The following RBFOX3 variants were observed in gnomAD, a reference collection of about 807,000 sequenced individuals.
RBFOX3 encodes the protein RNA binding fox-1 homolog 3.
In RBFOX3, 17 loss-of-function variants were observed where a neutral mutation model predicts 48.7. That is an observed-to-expected ratio of 0.35 (90% CI 0.24 to 0.52). The LOEUF is 0.52. RBFOX3 is among the 20% of genes least tolerant of loss of function. RBFOX3 has a pLI of 0.94. For synonymous variants in RBFOX3, 212 were observed against 209.5 expected, an observed-to-expected ratio of 1.01 and a Z score of -0.10; for missense variants, 382 against 497.5, an observed-to-expected ratio of 0.77 and a Z score of 2.21.
intron 4 of RBFOX3, among the ~76,000 whole-genome samples, chr17:79,224,493 C>T (rs1015056331): frequency 3.3e-5 from 5 of 152,190 alleles, no homozygotes; most frequent in Non-Finnish European, 5.9e-5. Context: ...GTCTTTACCC[C>T]GTCTTGTCCA....
chr17:79,280,282 G>A (rs1166179510), intron 3 of RBFOX3, among the ~76,000 whole-genome samples: 2 of 150,858 alleles, frequency 1.3e-5, no homozygotes, highest in Non-Finnish European at 3.0e-5. Flanking sequence ...ATGCATATAC[G>A]CACATGCACA....
chr17:79,296,652 C>A (rs1600483165), intron 3 of RBFOX3, among the ~76,000 whole-genome samples: 1 of 151,994 alleles, frequency 6.6e-6, no homozygotes, highest in Non-Finnish European at 1.5e-5. Context: ...TGTAGACTCT[C>A]CCATCTCCCT....
chr17:79,190,598 GGGGAGACCCTGCT>G (rs1313031937), intron 4 of RBFOX3, among the ~76,000 whole-genome samples: 1 of 152,078 alleles, frequency 6.6e-6, no homozygotes, highest in Non-Finnish European at 1.5e-5. Context: ...CTCTCCACTG[GGGGAGACCCTGCT>G]GTCTCTCCGG....
intron 4 of RBFOX3, among the ~76,000 whole-genome samples, chr17:79,120,885 T>C (rs1165836610): frequency 6.6e-6 from 1 of 152,016 alleles, no homozygotes; most frequent in Non-Finnish European, 1.5e-5. Context: ...AAGACCCAGC[T>C]CTTCCTGCTC....
Position 79,276,600 on chromosome 17 carries a change from G to A in RBFOX3, c.-74+31124C>T, listed in dbSNP as rs1047468113. On this transcript the variant is annotated intron_variant, in intron 3 of 14. Transcript: ENST00000693108. ...CTCGGGAGGCTGACGCAGGAGAATC[G>A]CTTGAACCCAGGAGTGAGAGGTTGC... 5.9e-5 allele frequency among the ~76,000 whole-genome samples: 9 copies of A among 152,198 alleles called. No individual in the cohort carries two copies. The South Asian group carries it at 6.2e-4, about 11-fold the overall frequency.
At chr17:79,582,350 G>A (rs2093099147) in intron 1 of RBFOX3, among the ~76,000 whole-genome samples, 1 of 152,188 alleles carries the variant, frequency 6.6e-6, no homozygotes, top group East Asian at 1.9e-4. Flanking sequence ...ATGTATGTGT[G>A]TGTGTGCAAG....
chr17:79,659,610 T>C, the RBFOX3 span, among the ~76,000 whole-genome samples: 1 of 152,114 alleles, frequency 6.6e-6, no homozygotes, highest in East Asian at 1.9e-4. Context: ...CCACGAAACC[T>C]CCCATGCTGG....
chr17:79,656,556 G>T, the RBFOX3 span, among the ~76,000 whole-genome samples: 1 of 151,488 alleles, frequency 6.6e-6, no homozygotes. Flanking sequence ...GGAGGTTGCA[G>T]TGAGCCAAGA....
intron 4 of RBFOX3, among the ~76,000 whole-genome samples, chr17:79,179,846 T>C (rs1236331918): frequency 1.3e-5 from 2 of 152,172 alleles, no homozygotes; most frequent in African/African-American, 2.4e-5. Flanking sequence ...CTGGCCATCA[T>C]GCACCAGCAA....
At chr17:79,309,814 T>A (rs2076599018) in intron 2 of RBFOX3, among the ~76,000 whole-genome samples, 1 of 152,040 alleles carries the variant, frequency 6.6e-6, no homozygotes, top group Admixed American at 6.5e-5. Context: ...CTCACTCTCA[T>A]CTCCCGCCAC....
intron 4 of RBFOX3, among the ~76,000 whole-genome samples, chr17:79,148,759 G>A (rs986694102): frequency 1.3e-5 from 2 of 152,212 alleles, no homozygotes; most frequent in Non-Finnish European, 2.9e-5. Context: ...GAGGACGCAG[G>A]GGAGGGAGGC....
At chr17:79,335,149 C>A (rs2080999749) in intron 2 of RBFOX3, among the ~76,000 whole-genome samples, 1 of 145,648 alleles carries the variant, frequency 6.9e-6, no homozygotes, top group Non-Finnish European at 1.5e-5. Flanking sequence ...GACGAGGCTG[C>A]CAGAGGATGG....
chr17:79,427,252 C>G lies in RBFOX3; in HGVS notation c.-175+55202G>C, dbSNP rs764385457. ...GGGAAGCAGTGCGGCCAGGGAGGCT[C>G]CATTCCACATCACCCAGCACCACCT... On this transcript the variant is annotated intron_variant, in intron 2 of 14. Transcript: ENST00000693108. Among the ~76,000 whole-genome samples, 167 of 152,204 alleles carry G rather than the reference C, an allele frequency of 1.1e-3. 1 individual carries two copies. Among genetic ancestry groups the G allele is most frequent in the Non-Finnish European group, 2.2e-4 (15 of 68,032 alleles).
chr17:79,102,188 C>T (rs773003148), intron 8 of RBFOX3, among the ~76,000 whole-genome samples: 24 of 152,186 alleles, frequency 1.6e-4, no homozygotes, highest in Non-Finnish European at 2.8e-4. Flanking sequence ...GCTCTGGGCA[C>T]GAAGTCACCT....
the RBFOX3 span, among the ~76,000 whole-genome samples, chr17:79,620,137 A>G: frequency 7.0e-6 from 1 of 142,904 alleles, no homozygotes; most frequent in Non-Finnish European, 1.5e-5. Context: ...ACACATGCAC[A>G]CGCGCACACA....
chr17:79,163,034 G>A (rs140641024), intron 4 of RBFOX3, among the ~76,000 whole-genome samples: 59 of 152,324 alleles, frequency 3.9e-4, no homozygotes, highest in Admixed American at 2.5e-3. Flanking sequence ...CTGGGGGAGA[G>A]AGGGTGACGG....
rs943686021 is a variant in RBFOX3, at chr17:79,595,161, C to T, written c.-320+15665G>A. On this transcript the variant is annotated intron_variant, in intron 1 of 14. Transcript: ENST00000693108. Reference sequence around the variant, plus strand: ...GGAGAGCCATCGGTATTGAGAGAAACGAGCCACTTTCCAGGTGTGCCGAGG... The same window carrying T: ...GGAGAGCCATCGGTATTGAGAGAAATGAGCCACTTTCCAGGTGTGCCGAGG... 7.3e-5 allele frequency among the ~76,000 whole-genome samples: 11 copies of T among 149,756 alleles called. No individual in the cohort carries two copies. The South Asian group carries it at 1.1e-3, about 14-fold the overall frequency.
At chr17:79,488,956 G>C (rs981849244) in intron 1 of RBFOX3, among the ~76,000 whole-genome samples, 7 of 152,164 alleles carry the variant, frequency 4.6e-5, no homozygotes, top group Non-Finnish European at 1.0e-4. Context: ...GGCTCCAAAG[G>C]AAGGACCCTA....
intron 1 of RBFOX3, among the ~76,000 whole-genome samples, chr17:79,510,123 T>C (rs1388355612): frequency 6.6e-6 from 1 of 152,100 alleles, no homozygotes; most frequent in East Asian, 1.9e-4. Flanking sequence ...CCACCAGAAG[T>C]TGGCCCTGCA....
Sources: allele counts gnomAD v4.1 joint callset (sites outside exome capture counted in the v4.1 genomes callset), GRCh38; gene constraint gnomAD v4.1.1; transcripts MANE v1.5; gene names NCBI Gene and HGNC (gene_info 2026-07-23, HGNC 2026-07-21).